Variants in LRP1B observed in about 807,000 individuals in gnomAD.
LRP1B encodes the protein low-density lipoprotein receptor-related protein 1B.
LRP1B carries 217 observed loss-of-function variants against 556.6 expected under a neutral mutation model. The ratio of observed to expected loss-of-function variants is 0.39; its 90% CI spans 0.35 to 0.44. The LOEUF is 0.44. Ranked by LOEUF, LRP1B falls within the 20% of genes least tolerant of loss-of-function variation. LRP1B has a pLI of 1.00. For synonymous variants in LRP1B, 2,047 were observed against 1,865.8 expected (o/e 1.10, Z -2.50); for missense variants, 5,053 against 5,620.8 (o/e 0.90, Z 3.23).
At chr2:140,838,388 T>C (rs1187567063) in intron 31 of LRP1B, among the ~76,000 whole-genome samples, 1 of 152,178 alleles carries the variant, frequency 6.6e-6, no homozygotes, top group Non-Finnish European at 1.5e-5. Flanking sequence ...TTGCCTTTAA[T>C]TTCTAATACA....
intron 2 of LRP1B, among the ~76,000 whole-genome samples, chr2:141,516,092 A>G (rs1684304675): frequency 6.6e-6 from 1 of 152,194 alleles, no homozygotes; most frequent in Non-Finnish European, 1.5e-5. Context: ...TTCAATTATC[A>G]TTACAGAGAT....
rs746275275 is a variant in LRP1B, at chr2:141,810,302, T to A, written c.182A>T (p.Asp61Val). The change falls in exon 2 of 91, where the codon GAT becomes GTT. Residue 61 changes from aspartate to valine, a missense_variant. Asp to Val is a radical substitution (Grantham distance 152, BLOSUM62 -3). Around this residue, in one of 5 missense-constraint regions of LRP1B, gnomAD observed 3,619 missense variants for 3,931.9 expected, o/e 0.92. Coordinates refer to ENST00000389484, the MANE Select transcript of LRP1B (RefSeq NM_018557.3). ...ACAGGTATCTAAAGACTCGTCTGAA[T>A]CATCAGGGCAGTCAGGGTCCCCATC... ...LCDGDPDCPD[D>V]SDESLDTCPE... is the part of the protein sequence containing the mutation. 4.3e-6 allele frequency: 7 copies of A among 1,613,126 alleles called. No individual in the cohort carries two copies. The highest frequency in any genetic ancestry group is 5.1e-6 in the Non-Finnish European group (6 of 1,179,442).
intron 43 of LRP1B, among the ~76,000 whole-genome samples, chr2:140,572,039 T>A (rs1006693281): frequency 6.6e-6 from 1 of 151,602 alleles, no homozygotes; most frequent in African/African-American, 2.4e-5. Flanking sequence ...ATAAAACTAC[T>A]AAAAGAAAAC....
At chr2:140,352,212 G>T (rs1681995474) in intron 76 of LRP1B, among the ~76,000 whole-genome samples, 1 of 151,988 alleles carries the variant, frequency 6.6e-6, no homozygotes, top group Non-Finnish European at 1.5e-5. Flanking sequence ...GTCTTGCTCT[G>T]TCACCCAGGC....
chr2:141,781,790 G>C (rs1695263803), intron 2 of LRP1B, among the ~76,000 whole-genome samples: 1 of 152,076 alleles, frequency 6.6e-6, no homozygotes, highest in African/African-American at 2.4e-5. Context: ...TTTTCTGAGA[G>C]AGCTAGGGAA....
At chr2:141,628,762 C>T (rs925324934) in intron 2 of LRP1B, among the ~76,000 whole-genome samples, 2 of 152,046 alleles carry the variant, frequency 1.3e-5, no homozygotes, top group Non-Finnish European at 2.9e-5. Context: ...ATCCTCCCAC[C>T]AAAGCCTCCT....
chr2:141,798,356 T>C (rs1695889929), intron 2 of LRP1B, among the ~76,000 whole-genome samples: 4 of 152,268 alleles, frequency 2.6e-5, no homozygotes. Context: ...AATTCAACTT[T>C]TAAAACAAGT....
intron 1 of LRP1B, among the ~76,000 whole-genome samples, chr2:142,009,382 G>A (rs1351933444): frequency 1.3e-5 from 2 of 152,026 alleles, no homozygotes; most frequent in African/African-American, 2.4e-5. Context: ...TCATGTTGAA[G>A]TTTACTGATA....
chr2:141,411,214 G>A (rs1245625783), intron 3 of LRP1B, among the ~76,000 whole-genome samples: 4 of 151,980 alleles, frequency 2.6e-5, no homozygotes, highest in Non-Finnish European at 5.9e-5. Context: ...TTAGGTCTTG[G>A]CATTGTTAGC....
At chr2:141,206,922 G>A (rs1168153424) in intron 6 of LRP1B, among the ~76,000 whole-genome samples, 1 of 152,170 alleles carries the variant, frequency 6.6e-6, no homozygotes, top group African/African-American at 2.4e-5. Flanking sequence ...ACAAGAAGTA[G>A]TGTGTGTCAT....
At chr2:140,813,113 C>T (rs150420222) in intron 32 of LRP1B, among the ~76,000 whole-genome samples, 3 of 152,206 alleles carry the variant, frequency 2.0e-5, no homozygotes, top group African/African-American at 7.2e-5. Context: ...ATTTTACTTA[C>T]CTAGCACCTT....
intron 35 of LRP1B, among the ~76,000 whole-genome samples, chr2:140,765,723 A>T (rs2104925606): frequency 6.6e-6 from 1 of 152,298 alleles, no homozygotes; most frequent in South Asian, 2.1e-4. Context: ...TATTACAATC[A>T]AACCCAGAAA....
intron 10 of LRP1B, among the ~76,000 whole-genome samples, chr2:141,054,606 T>A (rs1365572343): frequency 6.6e-6 from 1 of 152,114 alleles, no homozygotes; most frequent in South Asian, 2.1e-4. Flanking sequence ...ATAAAATCAT[T>A]AAATGTTTGA....
chr2:141,272,495 G>A (rs1305219143), intron 3 of LRP1B, among the ~76,000 whole-genome samples: 1 of 152,014 alleles, frequency 6.6e-6, no homozygotes, highest in Non-Finnish European at 1.5e-5. Flanking sequence ...AATGTAAATG[G>A]ATTAAACACG....
intron 1 of LRP1B, among the ~76,000 whole-genome samples, chr2:141,937,105 A>T (rs188241414): frequency 6.6e-6 from 1 of 152,080 alleles, no homozygotes; most frequent in Non-Finnish European, 1.5e-5. Flanking sequence ...AAAATATAAC[A>T]TGTGCCAGGC....
intron 2 of LRP1B, among the ~76,000 whole-genome samples, chr2:141,801,120 T>C (rs975278732): frequency 6.6e-6 from 1 of 152,124 alleles, no homozygotes; most frequent in African/African-American, 2.4e-5. Flanking sequence ...CAATGATCGA[T>C]TCAGAATTGA....
intron 60 of LRP1B, among the ~76,000 whole-genome samples, chr2:140,463,027 G>A (rs1026180952): frequency 6.6e-6 from 1 of 152,114 alleles, no homozygotes; most frequent in Non-Finnish European, 1.5e-5. Flanking sequence ...AAGAAGTGAT[G>A]AGAAAGAAAA....
rs529890891 is a variant in LRP1B, at chr2:140,503,098, G to A, written c.8527C>T (p.Arg2843Ter). The change falls in exon 54 of 91, where the codon CGA (arginine) becomes TGA (stop). Residue 2843 changes from arginine to a stop codon, truncating the protein, a stop_gained. Transcript: ENST00000389484. LOFTEE classifies it high-confidence loss of function. ...CTAAATTCTTCTGTACCACACTGTC[G>A]ATATCCTAGAGACGCAGAAAAAACA... ...GSDESPQCGY[R>*]QCGTEEFSCA... is the part of the protein sequence containing the mutation. The A allele has an allele frequency of 1.2e-6, 2 of 1,612,396 alleles. No individual in the cohort carries two copies. The highest frequency in any genetic ancestry group is 1.7e-6 in the Non-Finnish European group (2 of 1,179,018).
intron 7 of LRP1B, among the ~76,000 whole-genome samples, chr2:141,185,697 CA>C (rs533419513): frequency 3.3e-4 from 26 of 77,790 alleles, no homozygotes; most frequent in African/African-American, 1.0e-3. Context: ...CAAAAAAAAA[CA>C]AAAAAAAAAA....
Sources: gnomAD v4.1 joint callset for allele counts (sites outside exome capture counted in the v4.1 genomes callset) on GRCh38, gnomAD v4.1.1 for gene constraint, gnomAD v4.1.1 regional missense constraint, MANE v1.5 for transcripts, NCBI Gene and HGNC (gene_info 2026-07-23, HGNC 2026-07-21) for gene names.